GPRC5B: variants seen among roughly 807,000 people sequenced by gnomAD.
The protein encoded by GPRC5B is G protein-coupled receptor class C group 5 member B.
Under a neutral mutation model 30.1 loss-of-function variants are expected in GPRC5B, and 16 were observed. The observed-to-expected ratio is 0.53, with a 90% CI of 0.36 to 0.81. GPRC5B has a LOEUF of 0.81. GPRC5B is among the 30% of genes least tolerant of loss of function. The pLI, the probability that GPRC5B is intolerant of heterozygous loss-of-function variation, is 0.01. For synonymous variants in GPRC5B, 241 were observed against 239.5 expected, an observed-to-expected ratio of 1.01 and a Z score of -0.06; for missense variants, 428 against 544.7, an observed-to-expected ratio of 0.79 and a Z score of 2.13.
chr16:19,884,460 T>G (rs2056835268), intron 1 of GPRC5B, among the ~76,000 whole-genome samples: 1 of 150,830 alleles, frequency 6.6e-6, no homozygotes, highest in Non-Finnish European at 1.5e-5. Context: ...GATCTCTACC[T>G]GGTCCGGGCA....
At chr16:19,871,281 C>CAAAAAAAAAAAAAAAAA (rs71375667) in intron 2 of GPRC5B, among the ~76,000 whole-genome samples, 17 of 70,316 alleles carry the variant, frequency 2.4e-4, no homozygotes, top group African/African-American at 3.6e-4. Context: ...GACCCTGTCT[C>CAAAAAAAAAAAAAAAAA]AAAAAAAAAA....
chr16:19,872,102 C>T lies in GPRC5B; in HGVS notation c.744G>A (p.Val248=). 1 of 1,614,094 alleles carries T rather than the reference C, an allele frequency of 6.2e-7. No individual in the cohort carries two copies. Among genetic ancestry groups the T allele is most frequent in the Non-Finnish European group, 8.5e-7 (1 of 1,179,984 alleles). Residue 248 remains valine, a synonymous_variant, in exon 2 of 4, where the codon GTG becomes GTA. Transcript: ENST00000300571. This position sits in a 1 kb window ranked among gnomAD's most constrained non-coding sequence, Gnocchi z 5.0. ...CGAAGAGGTACATGGTCATCCAGGC[C>T]ACCCAGATGAGCACAGAGAGGAAGG... ...ITAFLSVLIW[V]AWMTMYLFGN... is the part of the protein sequence containing the mutation.
intron 2 of GPRC5B, among the ~76,000 whole-genome samples, chr16:19,865,401 G>A (rs1216972598): frequency 6.6e-6 from 1 of 152,166 alleles, no homozygotes; most frequent in Non-Finnish European, 1.5e-5. Flanking sequence ...TTCCTCACTT[G>A]ATGCCATCAA....
At chr16:19,878,483 G>A (rs2056777993) in intron 1 of GPRC5B, among the ~76,000 whole-genome samples, 1 of 151,900 alleles carries the variant, frequency 6.6e-6, no homozygotes, top group Non-Finnish European at 1.5e-5. Flanking sequence ...AGCAGAGACG[G>A]AGGTTTTGCC....
rs2056595548 is a variant in GPRC5B, at chr16:19,858,781, C to T, written c.*1719G>A. On this transcript the variant is annotated 3_prime_UTR_variant, in exon 4 of 4. Transcript: ENST00000300571. ...GCTCTGGGCAGAGGCGGGGTGCTTC[C>T]GGGGAGGTCAGGTGGGGGTGGCATT... is the stretch of plus-strand genomic sequence containing the variant. 1 of 389,470 alleles carries T rather than the reference C, an allele frequency of 2.6e-6. No homozygotes were observed. The highest frequency in any genetic ancestry group is 4.5e-6 in the Non-Finnish European group (1 of 220,626). 24.1% of individuals were successfully genotyped at this position (389,470 alleles called of 1,614,324 possible).
rs746717252 is a variant in GPRC5B, at chr16:19,861,967, C to T, written c.1037G>A (p.Arg346Gln). The T allele has an allele frequency of 1.4e-5, 23 of 1,613,788 alleles. No individual in the cohort carries two copies. The highest frequency in any genetic ancestry group is 3.3e-5 in the South Asian group (3 of 91,052). The change falls in exon 3 of 4, where the codon CGA becomes CAA. Residue 346 changes from arginine (R) to glutamine (Q), a missense_variant. Around this residue, in one of 3 missense-constraint regions of GPRC5B, gnomAD observed 213 missense variants for 229.1 expected, o/e 0.93. Coordinates refer to ENST00000300571, the MANE Select transcript of GPRC5B (RefSeq NM_016235.3). ...GCTGCCGTTGGGAAATCCTGCTGTT[C>T]GGAGAGCTGGGGGAGGGAGGGATTG... Reference protein sequence around the residue: ...FSMDEHNAALRTAGFPNGSLG... With the variant: ...FSMDEHNAALQTAGFPNGSLG...
intron 2 of GPRC5B, among the ~76,000 whole-genome samples, chr16:19,866,451 G>T (rs774892126): frequency 6.6e-6 from 1 of 152,032 alleles, no homozygotes; most frequent in Non-Finnish European, 1.5e-5. Context: ...CTGCCTCCCC[G>T]GTTCAAGCGA....
chr16:19,863,905 G>A (rs923644703), intron 2 of GPRC5B, among the ~76,000 whole-genome samples: 2 of 152,050 alleles, frequency 1.3e-5, no homozygotes, highest in African/African-American at 4.8e-5. Flanking sequence ...AATCTAAGGT[G>A]GAACAGTTTC....
intron 1 of GPRC5B, among the ~76,000 whole-genome samples, 153 bp downstream of exon 1, chr16:19,884,574 C>T (rs1377224158): frequency 6.6e-6 from 1 of 150,506 alleles, no homozygotes; most frequent in African/African-American, 2.4e-5. Context: ...CCAGATTCCA[C>T]ATCTCCCCCA....
chr16:19,885,385 G>A (rs1369660569), upstream of GPRC5B: 2 of 1,172,778 alleles, frequency 1.7e-6, no homozygotes, highest in African/African-American at 1.6e-5. This position sits in a 1 kb window ranked among gnomAD's most constrained non-coding sequence, Gnocchi z 5.3. Context: ...ATACACCTAG[G>A]CGCACACACA....
intron 2 of GPRC5B, among the ~76,000 whole-genome samples, chr16:19,870,111 A>G (rs1247219545): frequency 6.6e-6 from 1 of 152,106 alleles, no homozygotes; most frequent in Admixed American, 6.6e-5. Context: ...ACACTGGGAG[A>G]TGGGAGCCTG....
rs182504237 is a variant in GPRC5B at position 19,875,460 on chromosome 16, G to A, written c.-1-2614C>T. Among the ~76,000 whole-genome samples the A allele has an allele frequency of 2.1e-3, 319 of 152,352 alleles. 1 individual carries two copies. Among genetic ancestry groups the A allele is most frequent in the African/African-American group, 7.4e-3 (309 of 41,582 alleles). Reference sequence around the variant, plus strand: ...TTACAAGAAAACCAAACACATTCAAGTATTTATCTCCAGACATTTTTAAAT... The same window carrying A: ...TTACAAGAAAACCAAACACATTCAAATATTTATCTCCAGACATTTTTAAAT... On this transcript the variant is annotated intron_variant, in intron 1 of 3. Coordinates refer to ENST00000300571, the MANE Select transcript of GPRC5B (RefSeq NM_016235.3).
intron 1 of GPRC5B, among the ~76,000 whole-genome samples, chr16:19,880,797 C>G (rs966395805): frequency 4.6e-5 from 7 of 152,210 alleles, no homozygotes; most frequent in Non-Finnish European, 1.0e-4. Flanking sequence ...CCCTTTCACT[C>G]ACGGGAAAGG....
In GPRC5B at chr16:19,857,575, CCTG is replaced by C; in HGVS notation, c.*2922_*2924del. 1 of 361,472 alleles carries C rather than the reference CCTG, an allele frequency of 2.8e-6. No individual in the cohort carries two copies. 22.4% of individuals were successfully genotyped at this position (361,472 alleles called of 1,614,324 possible). ...GCTCTTCATCAGTTAATAAAAAGCA[CCTG>C]CTGAGAACTCCTGTAAGCTGGTATC... On this transcript the variant is annotated 3_prime_UTR_variant, in exon 4 of 4. Coordinates refer to ENST00000300571, the MANE Select transcript of GPRC5B (RefSeq NM_016235.3).
intron 2 of GPRC5B, among the ~76,000 whole-genome samples, chr16:19,866,026 T>A (rs2056663709): frequency 6.6e-6 from 1 of 152,142 alleles, no homozygotes; most frequent in Admixed American, 6.5e-5. Flanking sequence ...GCTTCCCGGG[T>A]TCAGGCAATT....
At chr16:19,866,019 T>C (rs905509824) in intron 2 of GPRC5B, among the ~76,000 whole-genome samples, 2 of 152,172 alleles carry the variant, frequency 1.3e-5, no homozygotes, top group Non-Finnish European at 2.9e-5. Flanking sequence ...AACCTCCGCT[T>C]CCCGGGTTCA....
chr16:19,871,552 G>A lies in GPRC5B; in HGVS notation c.1030+264C>T, dbSNP rs183408676. Among the ~76,000 whole-genome samples the A allele has an allele frequency of 3.5e-3, 536 of 152,338 alleles. 3 individuals carry two copies. Among genetic ancestry groups the A allele is most frequent in the African/African-American group, 0.012 (516 of 41,588 alleles). The stretch of plus-strand genomic sequence containing the variant: ...CAGCAGAATCACTTGAACCCAGGAG[G>A]CGGAGGTTGCAGTGAGCTGAGATTG... On this transcript the variant is annotated intron_variant, in intron 2 of 3. Coordinates refer to ENST00000300571, the MANE Select transcript of GPRC5B (RefSeq NM_016235.3).
At chr16:19,861,087 T>TAAAAAAAA (rs3067833) in intron 3 of GPRC5B, among the ~76,000 whole-genome samples, 13,562 of 92,394 alleles carry the variant, frequency 0.15, 1,010 homozygotes, top group Non-Finnish European at 0.17. Flanking sequence ...CTGATTTACA[T>TAAAAAAAA]AAAAAAAAAA....
intron 1 of GPRC5B, among the ~76,000 whole-genome samples, chr16:19,883,780 G>T (rs1017514329): frequency 1.3e-5 from 2 of 152,242 alleles, no homozygotes; most frequent in Non-Finnish European, 2.9e-5. Context: ...GCTAGGCCTG[G>T]GTGTGACAGA....
Sources: allele counts gnomAD v4.1 joint callset (sites outside exome capture counted in the v4.1 genomes callset), GRCh38; gene constraint gnomAD v4.1.1; regional missense constraint gnomAD v4.1.1; non-coding constraint Gnocchi (gnomAD v3.1); transcripts MANE v1.5; gene names NCBI Gene and HGNC (gene_info 2026-07-23, HGNC 2026-07-21).